Variants in PDE3A observed in about 807,000 individuals in gnomAD.
The protein encoded by PDE3A is phosphodiesterase 3A.
Under a neutral mutation model 98.3 loss-of-function variants are expected in PDE3A, and 43 were observed. The ratio of observed to expected loss-of-function variants is 0.44; its 90% CI spans 0.34 to 0.56. PDE3A has a LOEUF of 0.56. Among genes scored for constraint, PDE3A ranks in the 20% least tolerant of loss-of-function variants. PDE3A has a pLI of 0.01. For missense variants in PDE3A, 1,427 were observed against 1,440.7 expected (o/e 0.99, Z 0.15); for synonymous variants, 663 against 567.9 (o/e 1.17, Z -2.38).
intron 1 of PDE3A, among the ~76,000 whole-genome samples, chr12:20,421,933 C>A (rs923037768): frequency 2.6e-5 from 4 of 152,106 alleles, no homozygotes; most frequent in African/African-American, 9.7e-5. Context: ...GTTTTTCTTT[C>A]CCAGGTAAAT....
rs76825578 is a variant in PDE3A at position 20,568,827 on chromosome 12, G to T, written c.1011+12117G>T. The stretch of plus-strand genomic sequence containing the variant: ...CTATGTTTGACCTTTTGGGAATTTA[G>T]AGAATATGGATAAAGAAGTAGTTTA... On this transcript the variant is annotated intron_variant, in intron 2 of 15. Transcript: ENST00000359062. Among the ~76,000 whole-genome samples, 1,212 of 152,034 alleles carry T rather than the reference G, an allele frequency of 8.0e-3. 15 individuals carry two copies. Among genetic ancestry groups the T allele is most frequent in the African/African-American group, 0.028 (1,163 of 41,512 alleles).
intron 4 of PDE3A, among the ~76,000 whole-genome samples, chr12:20,620,231 A>G (rs982946854): frequency 6.6e-6 from 1 of 152,058 alleles, no homozygotes; most frequent in Non-Finnish European, 1.5e-5. Flanking sequence ...TTTATTTACA[A>G]TAGGCTACCC....
intron 2 of PDE3A, among the ~76,000 whole-genome samples, chr12:20,610,605 AAAT>A (rs1235604658): frequency 6.6e-6 from 1 of 152,148 alleles, no homozygotes; most frequent in Non-Finnish European, 1.5e-5. Flanking sequence ...CAAGATATGT[AAAT>A]ACCATAAGCA....
chr12:20,671,314 A>G (rs1445125893), intron 15 of PDE3A, among the ~76,000 whole-genome samples: 1 of 151,378 alleles, frequency 6.6e-6, no homozygotes, highest in Non-Finnish European at 1.5e-5. Flanking sequence ...ATTCCAATCA[A>G]TAGAAAAACA....
At chr12:20,389,290 C>G (rs1449557105) in intron 1 of PDE3A, among the ~76,000 whole-genome samples, 1 of 151,926 alleles carries the variant, frequency 6.6e-6, no homozygotes, top group African/African-American at 2.4e-5. Flanking sequence ...GAATCCAGAT[C>G]TCAGCCTTGC....
chr12:20,677,214 T>C (rs1373128931), intron 15 of PDE3A, among the ~76,000 whole-genome samples: 1 of 152,150 alleles, frequency 6.6e-6, no homozygotes, highest in Non-Finnish European at 1.5e-5. Context: ...ACCTGTCTCT[T>C]TAGTAAATTT....
chr12:20,551,397 A>C, intron 1 of PDE3A, among the ~76,000 whole-genome samples: 1 of 152,158 alleles, frequency 6.6e-6, no homozygotes, highest in African/African-American at 2.4e-5. Flanking sequence ...TTTGTAATAA[A>C]AAAAAAAAGT....
At position 20,575,954 on chromosome 12, in the gene PDE3A, AC is replaced by A. The variant is rs1236250239; in HGVS notation, c.1011+19245del. ...ATTTGTATATGTACACAAAGAACTT[AC>A]ACCTAAAACCTATTGCTATATCTTA... On this transcript the variant is annotated intron_variant, in intron 2 of 15. Coordinates refer to ENST00000359062, the MANE Select transcript of PDE3A (RefSeq NM_000921.5). 2.0e-5 allele frequency among the ~76,000 whole-genome samples: 3 copies of A among 152,050 alleles called. No homozygotes were observed. The South Asian group carries it at 6.2e-4, about 31-fold the overall frequency.
chr12:20,564,010 G>C (rs532427217), intron 2 of PDE3A, among the ~76,000 whole-genome samples: 2 of 152,180 alleles, frequency 1.3e-5, no homozygotes, highest in South Asian at 2.1e-4. Context: ...ATCATAGTAG[G>C]GATATTGCTG....
intron 1 of PDE3A, chr12:20,371,242 A>G (rs1943468458): frequency 2.6e-6 from 1 of 384,564 alleles, no homozygotes; most frequent in Admixed American, 6.4e-5. Context: ...GGCATAAAGG[A>G]ACAAATCCCA....
In PDE3A at chr12:20,686,832, A is replaced by T. The variant is rs1381494655; in HGVS notation, c.*6561A>T. Among the ~76,000 whole-genome samples, 1 of 152,118 alleles carries T rather than the reference A, an allele frequency of 6.6e-6. No individual in the cohort carries two copies. Among genetic ancestry groups the T allele is most frequent in the African/African-American group, 2.4e-5 (1 of 41,434 alleles). On this transcript the variant is annotated 3_prime_UTR_variant, in exon 16 of 16. Coordinates refer to ENST00000359062, the MANE Select transcript of PDE3A (RefSeq NM_000921.5). ...CAAGCCTGCTTTCCTTGTAAAGTCC[A>T]TGGTACTAAGAAGCAAAAAATGCAG... is the stretch of plus-strand genomic sequence containing the variant.
In PDE3A at chr12:20,654,183, C is replaced by G; in HGVS notation, c.3162C>G (p.Thr1054=). ...EEAPAPNEEE[T]CENNESPKKK... ...CACCAGCACCAAATGAAGAGGAAACCTGTGAAAATAATGAATCTCCAAGTA... is the reference window on the plus strand; with the variant it reads ...CACCAGCACCAAATGAAGAGGAAACGTGTGAAAATAATGAATCTCCAAGTA... The change falls in exon 15 of 16, where the codon ACC becomes ACG. Residue 1054 remains threonine, a synonymous_variant. Transcript: ENST00000359062. The G allele has an allele frequency of 6.2e-7, 1 of 1,614,064 alleles. No homozygotes were observed. The highest frequency in any genetic ancestry group is 8.5e-7 in the Non-Finnish European group (1 of 1,179,962).
At chr12:20,628,408 G>T (rs967344600) in intron 5 of PDE3A, among the ~76,000 whole-genome samples, 9 of 152,116 alleles carry the variant, frequency 5.9e-5, no homozygotes, top group Non-Finnish European at 1.3e-4. Flanking sequence ...CAGGCATGAC[G>T]TAAGGAGCAA....
intron 1 of PDE3A, among the ~76,000 whole-genome samples, chr12:20,514,853 A>G (rs1946288413): frequency 6.6e-6 from 1 of 152,228 alleles, no homozygotes; most frequent in South Asian, 2.1e-4. Flanking sequence ...AATGGTTTCA[A>G]TAACATGTTC....
intron 2 of PDE3A, among the ~76,000 whole-genome samples, chr12:20,610,047 G>T (rs1943810053): frequency 6.6e-6 from 1 of 151,696 alleles, no homozygotes. Context: ...TAAGTAAATG[G>T]GGCCACATCA....
intron 15 of PDE3A, among the ~76,000 whole-genome samples, chr12:20,674,513 T>C (rs751848800): frequency 1.7e-4 from 26 of 152,342 alleles, no homozygotes; most frequent in Non-Finnish European, 3.7e-4. Context: ...TTGAATTTTA[T>C]CAAATGCTTT....
At chr12:20,669,745 A>G (rs1367671148) in intron 15 of PDE3A, among the ~76,000 whole-genome samples, 1 of 152,234 alleles carries the variant, frequency 6.6e-6, no homozygotes, top group African/African-American at 2.4e-5. Context: ...CTGCAAAATC[A>G]TGCCAAGATG....
intron 12 of PDE3A, among the ~76,000 whole-genome samples, chr12:20,648,309 A>G (rs1944824052): frequency 6.7e-6 from 1 of 150,114 alleles, no homozygotes; most frequent in South Asian, 2.1e-4. Flanking sequence ...ATATATGTAA[A>G]TATAATTTTT....
Position 20,648,795 on chromosome 12 carries a change from T to C in PDE3A, c.2673T>C (p.His891=), listed in dbSNP as rs1472448165. 6 of 1,613,272 alleles carry C rather than the reference T, an allele frequency of 3.7e-6. No individual in the cohort carries two copies. The highest frequency in any genetic ancestry group is 1.3e-5 in the African/African-American group (1 of 75,054). ...PEYNFLINLD[H]VEFKHFRFLV... is the part of the protein sequence containing the mutation. Reference sequence around the variant, plus strand: ...ATAACTTCTTAATTAACCTTGACCATGTGGAATTTAAGCATTTCCGTTTCC... The same window carrying C: ...ATAACTTCTTAATTAACCTTGACCACGTGGAATTTAAGCATTTCCGTTTCC... The change falls in exon 13 of 16, where the codon CAT becomes CAC. Residue 891 remains histidine (H), a synonymous_variant. Transcript: ENST00000359062.
Sources: allele counts gnomAD v4.1 joint callset (sites outside exome capture counted in the v4.1 genomes callset), GRCh38; gene constraint gnomAD v4.1.1; transcripts MANE v1.5; gene names NCBI Gene and HGNC (gene_info 2026-07-23, HGNC 2026-07-21).